SUPT3H: variants seen among roughly 807,000 people sequenced by gnomAD.
The protein encoded by SUPT3H is transcription initiation protein SPT3 homolog.
SUPT3H carries 44 observed loss-of-function variants against 44.3 expected under a neutral mutation model. The observed-to-expected ratio is 0.99, with a 90% CI of 0.78 to 1.28. SUPT3H has a LOEUF of 1.28. Among genes scored for constraint, SUPT3H ranks in the 50% most tolerant of loss-of-function variants. SUPT3H has a pLI of 0.00. For missense variants in SUPT3H, 380 were observed against 387.1 expected, an observed-to-expected ratio of 0.98 and a Z score of 0.15; for synonymous variants, 124 against 125.6, an observed-to-expected ratio of 0.99 and a Z score of 0.09.
chr6:45,346,229 A>T (rs532740595), intron 2 of SUPT3H, among the ~76,000 whole-genome samples: 75 of 152,276 alleles, frequency 4.9e-4, no homozygotes, highest in African/African-American at 1.7e-3. Flanking sequence ...ATATGTAAAT[A>T]TATATAATTC....
chr6:44,953,809 G>A (rs1338242028), intron 8 of SUPT3H, among the ~76,000 whole-genome samples: 1 of 152,134 alleles, frequency 6.6e-6, no homozygotes, highest in Non-Finnish European at 1.5e-5. Flanking sequence ...TCAGCTCACT[G>A]CAACCTCGGC....
chr6:44,835,877 A>G (rs144402976), intron 10 of SUPT3H, among the ~76,000 whole-genome samples: 197 of 152,118 alleles, frequency 1.3e-3, no homozygotes, highest in African/African-American at 3.7e-3. Context: ...AACTGCTCCC[A>G]TATGTCCGAA....
chr6:45,047,391 A>G (rs983306251), intron 3 of SUPT3H, among the ~76,000 whole-genome samples: 5 of 152,194 alleles, frequency 3.3e-5, no homozygotes, highest in Admixed American at 2.6e-4. Flanking sequence ...CACTGAACAA[A>G]TAAGTAAGAA....
At chr6:45,096,188 T>A (rs1797759443) in intron 3 of SUPT3H, among the ~76,000 whole-genome samples, 1 of 152,156 alleles carries the variant, frequency 6.6e-6, no homozygotes, top group Non-Finnish European at 1.5e-5. Flanking sequence ...TAATTTGTAT[T>A]GCATTGAATC....
intron 9 of SUPT3H, among the ~76,000 whole-genome samples, chr6:44,945,300 T>C (rs760646130): frequency 6.4e-4 from 97 of 152,184 alleles, no homozygotes; most frequent in Admixed American, 2.6e-3. Context: ...GGCCAATTAA[T>C]AACCCTACAA....
intron 10 of SUPT3H, among the ~76,000 whole-genome samples, chr6:44,906,033 G>A (rs1004223318): frequency 3.3e-5 from 5 of 152,140 alleles, no homozygotes; most frequent in African/African-American, 7.2e-5. Context: ...TGTGCGGTGG[G>A]GGGATGGGGA....
At chr6:45,148,302 C>G (rs1806407778) in intron 2 of SUPT3H, among the ~76,000 whole-genome samples, 2 of 152,068 alleles carry the variant, frequency 1.3e-5, no homozygotes, top group Non-Finnish European at 2.9e-5. Flanking sequence ...ACTACTATCC[C>G]TATGTTACAC....
At chr6:45,081,549 A>G (rs1299373878) in intron 3 of SUPT3H, among the ~76,000 whole-genome samples, 1 of 152,126 alleles carries the variant, frequency 6.6e-6, no homozygotes, top group Non-Finnish European at 1.5e-5. Flanking sequence ...TTATATCCCC[A>G]GTACCTAAAA....
intron 10 of SUPT3H, among the ~76,000 whole-genome samples, chr6:44,879,794 A>G (rs560601534): frequency 2.3e-4 from 35 of 152,286 alleles, no homozygotes; most frequent in Admixed American, 8.5e-4. Flanking sequence ...CAGGGTCTGG[A>G]GTGGACCTCC....
intron 10 of SUPT3H, among the ~76,000 whole-genome samples, chr6:44,837,172 G>T (rs1770068878): frequency 6.6e-6 from 1 of 152,092 alleles, no homozygotes; most frequent in Non-Finnish European, 1.5e-5. Context: ...GCCAAAAAGT[G>T]CCAAATTGGC....
chr6:44,903,862 C>A (rs1179423853), intron 10 of SUPT3H, among the ~76,000 whole-genome samples: 1 of 152,192 alleles, frequency 6.6e-6, no homozygotes, highest in Non-Finnish European at 1.5e-5. Flanking sequence ...CCCTGGGATG[C>A]AAGGCTGGTT....
intron 2 of SUPT3H, among the ~76,000 whole-genome samples, chr6:45,225,466 T>C (rs770716167): frequency 4.6e-5 from 7 of 152,244 alleles, no homozygotes; most frequent in East Asian, 1.9e-4. Flanking sequence ...TCTTTACAGA[T>C]AGCTACTGTA....
intron 2 of SUPT3H, among the ~76,000 whole-genome samples, chr6:45,208,459 C>T (rs1025208103): frequency 2.6e-5 from 4 of 152,158 alleles, no homozygotes; most frequent in African/African-American, 9.7e-5. Context: ...GGGCGTGATG[C>T]CCATGCCTGT....
intron 2 of SUPT3H, among the ~76,000 whole-genome samples, chr6:45,134,880 T>G (rs1414901651): frequency 2.6e-5 from 4 of 152,184 alleles, no homozygotes; most frequent in Admixed American, 2.6e-4. Context: ...CACTACGCAC[T>G]GCCTTGGTGG....
intron 3 of SUPT3H, among the ~76,000 whole-genome samples, chr6:45,022,433 T>A (rs1467124411): frequency 1.2e-4 from 16 of 138,192 alleles, no homozygotes; most frequent in East Asian, 2.1e-4. Flanking sequence ...TTTTTTTTTT[T>A]ATTTTCAGAA....
At chr6:45,068,993 A>T (rs550707468) in intron 3 of SUPT3H, among the ~76,000 whole-genome samples, 1 of 150,996 alleles carries the variant, frequency 6.6e-6, no homozygotes, top group African/African-American at 2.4e-5. Flanking sequence ...AAAAAAAATA[A>T]AAAAAATAAA....
At chr6:45,033,378 T>C (rs899825584) in intron 3 of SUPT3H, among the ~76,000 whole-genome samples, 1 of 152,096 alleles carries the variant, frequency 6.6e-6, no homozygotes, top group African/African-American at 2.4e-5. Flanking sequence ...CTTCAATATA[T>C]ACTTATTGAG....
intron 2 of SUPT3H, among the ~76,000 whole-genome samples, chr6:45,184,210 CAG>C (rs1490356038): frequency 6.6e-6 from 1 of 152,130 alleles, no homozygotes; most frequent in Non-Finnish European, 1.5e-5. Context: ...GTTTTAGAAA[CAG>C]TGTGATGATT....
At chr6:44,885,355 C>T (rs67911131) in intron 10 of SUPT3H, among the ~76,000 whole-genome samples, 18,322 of 151,992 alleles carry the variant, frequency 0.12, 1,442 homozygotes, top group East Asian at 0.27. Context: ...AGCCTAACTG[C>T]GAGGCACCCC....
Sources: gnomAD v4.1 joint callset for allele counts (sites outside exome capture counted in the v4.1 genomes callset) on GRCh38, gnomAD v4.1.1 for gene constraint, MANE v1.5 for transcripts, NCBI Gene and HGNC (gene_info 2026-07-23, HGNC 2026-07-21) for gene names.